The following NBEAL2 variants were observed in gnomAD, a reference collection of about 807,000 sequenced individuals.
NBEAL2 encodes the protein neurobeachin-like protein 2.
A neutral mutation model predicts 299.8 loss-of-function variants in NBEAL2; 160 were observed. That is an observed-to-expected ratio of 0.53 (90% CI 0.47 to 0.61). NBEAL2 has a LOEUF of 0.61. Among genes scored for constraint, NBEAL2 ranks in the 20% least tolerant of loss-of-function variants. The pLI, the probability that NBEAL2 is intolerant of heterozygous loss-of-function variation, is 0.00. For missense variants in NBEAL2, 3,112 were observed against 3,649.0 expected, an observed-to-expected ratio of 0.85 and a Z score of 3.79; for synonymous variants, 1,493 against 1,542.3, an observed-to-expected ratio of 0.97 and a Z score of 0.75.
chr3:47,007,140 T>C lies in NBEAL2; in HGVS notation c.7209T>C (p.Gly2403=). The C allele has an allele frequency of 6.2e-7, 1 of 1,613,654 alleles. No individual in the cohort carries two copies. Among genetic ancestry groups the C allele is most frequent in the Admixed American group, 1.7e-5 (1 of 59,994 alleles). ...AGCCCCACTCCTTCATCACCCAGGG[T>C]TCCCCAGACCTGTTGGTAAGTGCAT... The part of the protein sequence containing the change: ...HRQPHSFITQ[G]SPDLLVTVSA... The change falls in exon 46 of 54, where the codon GGT becomes GGC. Residue 2403 remains glycine, a synonymous_variant. Coordinates refer to ENST00000450053, the MANE Select transcript of NBEAL2 (RefSeq NM_015175.3).
rs1424129266 is a variant in NBEAL2, at chr3:47,004,492, C to T, written c.6199-3C>T. ...CTCACATCTTGTCTGCCCCTGTCCC[C>T]AGAAATGGGTACAGCGTGAGATATC... On this transcript the variant is annotated splice_polypyrimidine_tract_variant and splice_region_variant and intron_variant, in intron 37 of 53. Coordinates refer to ENST00000450053, the MANE Select transcript of NBEAL2 (RefSeq NM_015175.3). The surrounding 1 kb of genome is among the most constrained non-coding windows in gnomAD (Gnocchi z 5.0). 6.2e-7 allele frequency: 1 copy of T among 1,613,384 alleles called. No individual in the cohort carries two copies. Among genetic ancestry groups the T allele is most frequent in the African/African-American group, 1.3e-5 (1 of 74,892 alleles).
Position 47,009,533 on chromosome 3 carries a change from G to T in NBEAL2, c.*213G>T. The stretch of plus-strand genomic sequence containing the variant: ...CGCCGGCTGAGGGGCCGCCCTGAGG[G>T]CCAGCACTGGCGTCTGCGGCCGCAG... On this transcript the variant is annotated 3_prime_UTR_variant, in exon 54 of 54. Coordinates refer to ENST00000450053, the MANE Select transcript of NBEAL2 (RefSeq NM_015175.3). 1 of 582,222 alleles carries T rather than the reference G, an allele frequency of 1.7e-6. No individual in the cohort carries two copies. 36.1% of individuals were successfully genotyped at this position (582,222 alleles called of 1,614,324 possible). A position where few individuals can be genotyped will look rare whatever the true frequency, so the allele number is the denominator to read the frequency against.
In NBEAL2 at chr3:46,998,317, C is replaced by A; in HGVS notation, c.3118+91C>A. ...TGCTCTGGGGGATCTGAGGGACTCACCTGTTAGGAATCCAGAATGCCATGG... is the reference window on the plus strand; with the variant it reads ...TGCTCTGGGGGATCTGAGGGACTCAACTGTTAGGAATCCAGAATGCCATGG... On this transcript the variant is annotated intron_variant, in intron 21 of 53. Transcript: ENST00000450053. 2.0e-6 allele frequency: 3 copies of A among 1,532,722 alleles called. No individual in the cohort carries two copies. The South Asian group carries it at 3.6e-5, about 18-fold the overall frequency. The allele number at this position is 1,532,722 out of a possible 1,614,324, so 94.9% of individuals were successfully genotyped here.
chr3:46,983,163 G>C (rs2035460502), intron 1 of NBEAL2, among the ~76,000 whole-genome samples: 1 of 152,088 alleles, frequency 6.6e-6, no homozygotes. Flanking sequence ...GGCCTCAGAA[G>C]GGTTCAGGGA....
At position 47,005,988 on chromosome 3, in the gene NBEAL2, C is replaced by A; in HGVS notation, c.6844C>A (p.Leu2282Ile). The change falls in exon 43 of 54, where the codon CTC becomes ATC. Residue 2282 changes from leucine (L) to isoleucine (I), a missense_variant. By Grantham distance (5) the Leu-to-Ile change is conservative (BLOSUM62 2). Around this residue, in one of 3 missense-constraint regions of NBEAL2, gnomAD observed 521 missense variants for 729.6 expected, o/e 0.71. Transcript: ENST00000450053. The stretch of plus-strand genomic sequence containing the variant: ...TGCACACCTACACGAGTGGATCGAC[C>A]TCATCTTTGGCTACAAGCAGCGGGG... ...VSAHLHEWID[L>I]IFGYKQRGPA... 1 of 1,613,778 alleles carries A rather than the reference C, an allele frequency of 6.2e-7. No homozygotes were observed. Among genetic ancestry groups the A allele is most frequent in the South Asian group, 1.1e-5 (1 of 91,088 alleles).
intron 10 of NBEAL2, 140 bp downstream of exon 10, chr3:46,992,695 C>A: frequency 1.3e-6 from 1 of 786,950 alleles, no homozygotes; most frequent in Non-Finnish European, 2.1e-6. Context: ...TCCATGCTGT[C>A]TCGCCTGCCT....
At position 46,995,501 on chromosome 3, in the gene NBEAL2, G is replaced by C. The variant is rs1018133013; in HGVS notation, c.1766G>C (p.Gly589Ala). 1 of 1,612,762 alleles carries C rather than the reference G, an allele frequency of 6.2e-7. No homozygotes were observed. The highest frequency in any genetic ancestry group is 8.5e-7 in the Non-Finnish European group (1 of 1,179,896). The change falls in exon 13 of 54, where the codon GGC becomes GCC. Residue 589 changes from glycine (G) to alanine (A), a missense_variant. By Grantham distance (60) the Gly-to-Ala change is moderately conservative. This residue lies in a region of NBEAL2 where 2,243 missense variants were observed against 2,538.1 expected (regional missense o/e 0.88). Transcript: ENST00000450053. ...RYFDLTPSMA[G>A]IMVPPVQRWP... is the part of the protein sequence containing the mutation. ...TTTGACCTCACGCCCAGCATGGCGG[G>C]CATCATGGTACCCCCTGTACAGCGA...
intron 1 of NBEAL2, among the ~76,000 whole-genome samples, chr3:46,985,428 C>A (rs1210608070): frequency 6.6e-6 from 1 of 152,184 alleles, no homozygotes; most frequent in Non-Finnish European, 1.5e-5. Context: ...CTGTACTCCC[C>A]ACCAATGTCA....
Position 46,998,052 on chromosome 3 carries a change from C to T in NBEAL2, c.2959-15C>T. The T allele has an allele frequency of 1.9e-6, 3 of 1,555,798 alleles. No homozygotes were observed. The highest frequency in any genetic ancestry group is 1.2e-5 in the South Asian group (1 of 84,674). On this transcript the variant is annotated splice_polypyrimidine_tract_variant and intron_variant, in intron 20 of 53. Coordinates refer to ENST00000450053, the MANE Select transcript of NBEAL2 (RefSeq NM_015175.3). ...CAGAGCCTGAGCCCTCACTCCAGCT[C>T]CTGTCTTATCCCAGGTCCCAAGCTG...
In NBEAL2 at chr3:46,991,826, T is replaced by G; in HGVS notation, c.926-14T>G. ...AGGGGTCTGGGCAGGGCCTGACCCT[T>G]GACCCTTCCACAGACGCCATCCCCA... On this transcript the variant is annotated splice_polypyrimidine_tract_variant and intron_variant, in intron 8 of 53. Coordinates refer to ENST00000450053, the MANE Select transcript of NBEAL2 (RefSeq NM_015175.3). This position sits in a 1 kb window ranked among gnomAD's most constrained non-coding sequence, Gnocchi z 6.2. 1 of 1,584,130 alleles carries G rather than the reference T, an allele frequency of 6.3e-7. No individual in the cohort carries two copies.
At position 47,009,522 on chromosome 3, in the gene NBEAL2, C is replaced by A. The variant is rs1207959044; in HGVS notation, c.*202C>A. 3.3e-6 allele frequency: 2 copies of A among 601,020 alleles called. No homozygotes were observed. Among genetic ancestry groups the A allele is most frequent in the Admixed American group, 3.0e-5 (1 of 33,592 alleles). The allele number at this position is 601,020 out of a possible 1,614,324, so 37.2% of individuals were successfully genotyped here. On this transcript the variant is annotated 3_prime_UTR_variant, in exon 54 of 54. Transcript: ENST00000450053. ...GTCCCGCCCCTCGCCGGCTGAGGGG[C>A]CGCCCTGAGGGCCAGCACTGGCGTC... is the stretch of plus-strand genomic sequence containing the variant.
chr3:47,008,285 T>G lies in NBEAL2; in HGVS notation c.7722T>G (p.Asp2574Glu). The G allele has an allele frequency of 6.2e-7, 1 of 1,613,182 alleles. No homozygotes were observed. The highest frequency in any genetic ancestry group is 8.5e-7 in the Non-Finnish European group (1 of 1,179,484). The change falls in exon 51 of 54, where the codon GAT becomes GAG. Residue 2574 changes from aspartate to glutamate, a missense_variant and splice_region_variant. This residue lies in a region of NBEAL2 where 348 missense variants were observed against 381.4 expected (regional missense o/e 0.91). Coordinates refer to ENST00000450053, the MANE Select transcript of NBEAL2 (RefSeq NM_015175.3). ...GACCCTAAGTTGCCTTCCTGCAGGA[T>G]GGAACTGTGATCATACACACTGTAC... Reference protein sequence around the residue: ...ELDMAVSGSEDGTVIIHTVRR... With the variant: ...ELDMAVSGSEEGTVIIHTVRR...
At position 47,002,305 on chromosome 3, in the gene NBEAL2, G is replaced by A. The variant is rs369821465; in HGVS notation, c.5151+17G>A. The stretch of plus-strand genomic sequence containing the variant: ...GACAAACAGGTGCCTGGAGGTTGGG[G>A]CCCAGGAAGAGGAGTGGGGGCTGGG... On this transcript the variant is annotated intron_variant, in intron 31 of 53. Transcript: ENST00000450053. 3.1e-6 allele frequency: 5 copies of A among 1,587,468 alleles called. No individual in the cohort carries two copies. In the African/African-American group the frequency reaches 6.7e-5, roughly 21 times the overall value.
chr3:47,004,929 C>T lies in NBEAL2; in HGVS notation c.6295-43C>T. 6.3e-7 allele frequency: 1 copy of T among 1,576,418 alleles called. No homozygotes were observed. The highest frequency in any genetic ancestry group is 8.6e-7 in the Non-Finnish European group (1 of 1,161,458). ...GGGCAGGGCAGGGTGGGCTGGTAGGCCATCAGGGCCCTCATGCAGCCCCTG... is the reference window on the plus strand; with the variant it reads ...GGGCAGGGCAGGGTGGGCTGGTAGGTCATCAGGGCCCTCATGCAGCCCCTG... On this transcript the variant is annotated intron_variant, in intron 38 of 53. Coordinates refer to ENST00000450053, the MANE Select transcript of NBEAL2 (RefSeq NM_015175.3). The surrounding 1 kb of genome is among the most constrained non-coding windows in gnomAD (Gnocchi z 5.0).
Position 47,003,369 on chromosome 3 carries a change from G to A in NBEAL2, c.5720+60G>A. The A allele has an allele frequency of 6.4e-7, 1 of 1,571,270 alleles. No individual in the cohort carries two copies. The highest frequency in any genetic ancestry group is 1.2e-5 in the South Asian group (1 of 85,900). On this transcript the variant is annotated intron_variant, in intron 35 of 53. Coordinates refer to ENST00000450053, the MANE Select transcript of NBEAL2 (RefSeq NM_015175.3). The surrounding 1 kb of genome is among the most constrained non-coding windows in gnomAD (Gnocchi z 7.0). ...GTGGGCAAGGGGTCTGCTCCAGTGT[G>A]TGCATGCCTCTGTGGGATCAACTCC...
rs1489219734 is a variant in NBEAL2, at chr3:47,004,525, G to A, written c.6229G>A (p.Glu2077Lys). 4.3e-6 allele frequency: 7 copies of A among 1,613,674 alleles called. No individual in the cohort carries two copies. The highest frequency in any genetic ancestry group is 1.7e-5 in the Admixed American group (1 of 59,990). The change falls in exon 38 of 54, where the codon GAG becomes AAG. Residue 2077 changes from glutamate (E) to lysine (K), a missense_variant. This residue lies in a region of NBEAL2 where 521 missense variants were observed against 729.6 expected (regional missense o/e 0.71). Coordinates refer to ENST00000450053, the MANE Select transcript of NBEAL2 (RefSeq NM_015175.3). This position sits in a 1 kb window ranked among gnomAD's most constrained non-coding sequence, Gnocchi z 5.0. ...KWVQREISNF[E>K]YLMQLNTIAG... ...GGTACAGCGTGAGATATCCAACTTC[G>A]AGTACTTGATGCAACTCAACACCAT...
At chr3:47,005,447 C>G (rs1042667438) in intron 40 of NBEAL2, 42 bp from the exon 41 acceptor site, 2 of 1,599,262 alleles carry the variant, frequency 1.3e-6, no homozygotes, top group Admixed American at 1.7e-5. Flanking sequence ...CTCCCTGTCT[C>G]CATTCTCCCC....
chr3:46,983,872 G>C (rs2107258129), intron 1 of NBEAL2, among the ~76,000 whole-genome samples: 1 of 152,160 alleles, frequency 6.6e-6, no homozygotes, highest in Non-Finnish European at 1.5e-5. Flanking sequence ...GGGTCTATGG[G>C]GACCCTAGAA....
Position 47,004,120 on chromosome 3 carries a change from G to A in NBEAL2, c.5925G>A (p.Glu1975=), listed in dbSNP as rs1013414209. The change falls in exon 37 of 54, where the codon GAG becomes GAA. Residue 1975 remains glutamate (E), a synonymous_variant. Coordinates refer to ENST00000450053, the MANE Select transcript of NBEAL2 (RefSeq NM_015175.3). This position sits in a 1 kb window ranked among gnomAD's most constrained non-coding sequence, Gnocchi z 5.0. ...DFRRPLAQLR[E]VHLRRFNLRR... ...GGCGCCCACTGGCCCAGCTGCGTGA[G>A]GTCCACCTGCGGCGTTTCAACCTGC... The A allele has an allele frequency of 6.2e-7, 1 of 1,613,382 alleles. No homozygotes were observed. Among genetic ancestry groups the A allele is most frequent in the Non-Finnish European group, 8.5e-7 (1 of 1,179,704 alleles).
Sources: allele counts gnomAD v4.1 joint callset (sites outside exome capture counted in the v4.1 genomes callset), GRCh38; gene constraint gnomAD v4.1.1; regional missense constraint gnomAD v4.1.1; non-coding constraint Gnocchi (gnomAD v3.1); transcripts MANE v1.5; gene names NCBI Gene and HGNC (gene_info 2026-07-23, HGNC 2026-07-21).